The following FHIP1A variants were observed in gnomAD, a reference collection of about 807,000 sequenced individuals.
FHIP1A encodes the protein FHF complex subunit HOOK-interacting protein 1A.
Under a neutral mutation model 88.6 loss-of-function variants are expected in FHIP1A, and 61 were observed. The ratio of observed to expected loss-of-function variants is 0.69; its 90% confidence interval spans 0.56 to 0.85. FHIP1A has a LOEUF of 0.85. Ranked by LOEUF, FHIP1A falls within the 40% of genes least tolerant of loss-of-function variation. The probability of loss-of-function intolerance (pLI) is 0.00; values close to 1 mark genes in which losing one functional copy is unlikely to be tolerated. For synonymous variants in FHIP1A, 478 were observed against 496.0 expected, an observed-to-expected ratio of 0.96 and a Z score of 0.48; for missense variants, 1,154 against 1,273.5, an observed-to-expected ratio of 0.91 and a Z score of 1.43.
intron 2 of FHIP1A, among the ~76,000 whole-genome samples, chr4:151,475,166 C>T (rs973690482): frequency 1.3e-5 from 2 of 152,178 alleles, no homozygotes; most frequent in African/African-American, 2.4e-5. Flanking sequence ...TTTGTTCATT[C>T]ATCCATTCAA....
chr4:151,645,300 A>G (rs1023611485), intron 9 of FHIP1A, among the ~76,000 whole-genome samples: 2 of 152,126 alleles, frequency 1.3e-5, no homozygotes, highest in Non-Finnish European at 2.9e-5. Flanking sequence ...AGTTTGCTAT[A>G]TCATACCTGG....
intron 2 of FHIP1A, among the ~76,000 whole-genome samples, chr4:151,480,316 T>G (rs1475363281): frequency 2.0e-5 from 3 of 152,044 alleles, no homozygotes; most frequent in Admixed American, 1.3e-4. Flanking sequence ...TAAAAGCATA[T>G]GTGTGCGAGT....
intron 3 of FHIP1A, among the ~76,000 whole-genome samples, chr4:151,486,350 T>C (rs1476688028): frequency 6.6e-6 from 1 of 152,310 alleles, no homozygotes; most frequent in Non-Finnish European, 1.5e-5. Flanking sequence ...TCAAACTGTG[T>C]GCACATGAAT....
chr4:151,481,539 T>A (rs1327568136), intron 2 of FHIP1A, among the ~76,000 whole-genome samples: 6 of 151,992 alleles, frequency 3.9e-5, no homozygotes, highest in Non-Finnish European at 5.9e-5. Context: ...AGAGGCTTCT[T>A]GCACCTACGC....
chr4:151,548,365 T>C (rs924499981), intron 3 of FHIP1A, among the ~76,000 whole-genome samples: 5 of 152,172 alleles, frequency 3.3e-5, no homozygotes, highest in African/African-American at 1.2e-4. Flanking sequence ...GAATAGGGGC[T>C]GGGTAAAATA....
Position 151,663,904 on chromosome 4 carries a change from T to G in FHIP1A, c.*1150T>G, listed in dbSNP as rs1237038380. Among the ~76,000 whole-genome samples the G allele has an allele frequency of 6.6e-6, 1 of 152,182 alleles. No homozygotes were observed. Among genetic ancestry groups the G allele is most frequent in the African/African-American group, 2.4e-5 (1 of 41,436 alleles). On this transcript the variant is annotated 3_prime_UTR_variant, in exon 14 of 14. Transcript: ENST00000435205. The stretch of plus-strand genomic sequence containing the variant: ...GCTGCCTTCCGAGTAATGGGGTTCA[T>G]TAGAAGGCCCCAACGTGCTGTATGA...
intron 1 of FHIP1A, among the ~76,000 whole-genome samples, chr4:151,434,655 C>T (rs1359401749): frequency 1.3e-5 from 2 of 152,078 alleles, no homozygotes; most frequent in African/African-American, 4.8e-5. Flanking sequence ...CCAGTTGGCT[C>T]ATTTGGAAAC....
intron 3 of FHIP1A, among the ~76,000 whole-genome samples, chr4:151,558,532 C>CAAACAAAACAAAACA (rs142993818): frequency 7.3e-5 from 11 of 151,178 alleles, no homozygotes; most frequent in South Asian, 6.3e-4. Context: ...CATCCTGTCT[C>CAAACAAAACAAAACA]AAACAAAACA....
At chr4:151,567,322 G>C (rs1038104192) in intron 4 of FHIP1A, among the ~76,000 whole-genome samples, 5 of 152,040 alleles carry the variant, frequency 3.3e-5, no homozygotes, top group Non-Finnish European at 7.4e-5. Flanking sequence ...ACTGGTTAAA[G>C]CACTGAGCCT....
chr4:151,521,404 C>T (rs764763988), intron 3 of FHIP1A, among the ~76,000 whole-genome samples: 12 of 152,108 alleles, frequency 7.9e-5, no homozygotes, highest in Non-Finnish European at 7.4e-5. Flanking sequence ...GGTTTTCTTG[C>T]ATTTACCATA....
intron 3 of FHIP1A, among the ~76,000 whole-genome samples, chr4:151,562,461 A>G (rs1317960615): frequency 6.6e-6 from 1 of 152,104 alleles, no homozygotes; most frequent in African/African-American, 2.4e-5. Context: ...TTTTTCTTGT[A>G]TCTTCAAATT....
chr4:151,580,044 C>T (rs901517667), intron 5 of FHIP1A, among the ~76,000 whole-genome samples: 4 of 152,160 alleles, frequency 2.6e-5, no homozygotes, highest in African/African-American at 4.8e-5. Flanking sequence ...TTCCTTAATA[C>T]GACTAGTATC....
chr4:151,633,103 TAACTA>T (rs1399436623), intron 8 of FHIP1A, among the ~76,000 whole-genome samples: 1 of 151,612 alleles, frequency 6.6e-6, no homozygotes, highest in Non-Finnish European at 1.5e-5. Context: ...ATGACTCAAA[TAACTA>T]AAATCAGAAA....
chr4:151,433,033 A>G (rs779655981), intron 1 of FHIP1A, among the ~76,000 whole-genome samples: 10 of 152,116 alleles, frequency 6.6e-5, no homozygotes, highest in Non-Finnish European at 1.3e-4. Context: ...GATACAGCTT[A>G]TTTTGGGAGT....
chr4:151,646,674 G>A lies in FHIP1A; in HGVS notation c.1343G>A (p.Ser448Asn). Residue 448 changes from serine (S) to asparagine (N), a missense_variant, in exon 10 of 14, where the codon AGC (serine) becomes AAC (asparagine). Physicochemically the swap from Ser to Asn is conservative, Grantham distance 46 (BLOSUM62 1). Coordinates refer to ENST00000435205, the MANE Select transcript of FHIP1A (RefSeq NM_001109977.3). ...GCCTTGACTCCTGTCTGCTGCTCCA[G>A]CGGGATCACTCTGACGCTGGGGAAC... is the stretch of plus-strand genomic sequence containing the variant. ...LLALTPVCCS[S>N]GITLTLGNQE... The A allele has an allele frequency of 1.3e-6, 2 of 1,551,664 alleles. No individual in the cohort carries two copies. The highest frequency in any genetic ancestry group is 1.7e-6 in the Non-Finnish European group (2 of 1,146,948).
chr4:151,411,349 A>ATATTTTTTT, intron 1 of FHIP1A, among the ~76,000 whole-genome samples: 1 of 136,790 alleles, frequency 7.3e-6, no homozygotes, highest in South Asian at 2.2e-4. Context: ...TTATATATAT[A>ATATTTTTTT]TTTTTTTTTT....
intron 7 of FHIP1A, among the ~76,000 whole-genome samples, chr4:151,605,235 G>A (rs10002512): frequency 0.034 from 5,147 of 152,224 alleles, 295 homozygotes; most frequent in African/African-American, 0.12. Flanking sequence ...CTAGGGTAGG[G>A]TAGTCTTTTG....
chr4:151,660,872 T>C (rs1737431290), intron 13 of FHIP1A, among the ~76,000 whole-genome samples: 1 of 152,240 alleles, frequency 6.6e-6, no homozygotes, highest in Admixed American at 6.5e-5. Context: ...TTTATACCTA[T>C]TGACTCATTT....
chr4:151,467,787 C>T (rs1253673903), intron 2 of FHIP1A, among the ~76,000 whole-genome samples: 1 of 151,940 alleles, frequency 6.6e-6, no homozygotes, highest in Non-Finnish European at 1.5e-5. Flanking sequence ...AATGAGAACA[C>T]ATGGACACAG....
Sources: gnomAD v4.1 joint callset for allele counts (sites outside exome capture counted in the v4.1 genomes callset) on GRCh38, gnomAD v4.1.1 for gene constraint, MANE v1.5 for transcripts, NCBI Gene and HGNC (gene_info 2026-07-23, HGNC 2026-07-21) for gene names.